The following PDCD2 variants were observed in gnomAD, a reference collection of about 807,000 sequenced individuals.
The protein encoded by PDCD2 is uS5 assembly chaperone PDCD2.
Under a neutral mutation model 38.1 loss-of-function variants are expected in PDCD2, and 38 were observed. The ratio of observed to expected loss-of-function variants is 1.00; its 90% CI spans 0.77 to 1.31. The LOEUF (loss-of-function observed/expected upper bound fraction) is 1.31. Among genes scored for constraint, PDCD2 ranks in the 50% most tolerant of loss-of-function variants. The pLI is 0.00. For synonymous variants in PDCD2, 205 were observed against 168.9 expected (o/e 1.21, Z -1.66); for missense variants, 473 against 435.7 (o/e 1.09, Z -0.76).
intron 2 of PDCD2, 35 bp downstream of exon 2, chr6:170,583,470 A>C: frequency 6.3e-7 from 1 of 1,586,206 alleles, no homozygotes; most frequent in South Asian, 1.1e-5. Flanking sequence ...AAAGGCGATG[A>C]AACTGAACTG....
At position 170,584,601 on chromosome 6, in the gene PDCD2, G is replaced by A. The variant is rs771116468; in HGVS notation, c.-20C>T. ...AGCCATGCGGGGCGCGGGCTGGCGT[G>A]GGGCGCAGCCCACAGCTGGGTCGGA... On this transcript the variant is annotated 5_prime_UTR_variant, in exon 1 of 6. Coordinates refer to ENST00000541970, the MANE Select transcript of PDCD2 (RefSeq NM_002598.4). 1.6e-6 allele frequency: 2 copies of A among 1,239,508 alleles called. No homozygotes were observed. Among genetic ancestry groups the A allele is most frequent in the Non-Finnish European group, 2.0e-6 (2 of 985,250 alleles). 76.8% of individuals were successfully genotyped at this position (1,239,508 alleles called of 1,614,324 possible). A position where few individuals can be genotyped will look rare whatever the true frequency, so the allele number is the denominator to read the frequency against.
chr6:170,577,758 G>A (rs1779483753), intron 5 of PDCD2, 41 bp from the exon 6 acceptor site: 1 of 1,601,936 alleles, frequency 6.2e-7, no homozygotes, highest in Non-Finnish European at 8.5e-7. Flanking sequence ...CTGCTTCACA[G>A]CAGGGAGCAC....
chr6:170,584,089 A>T (rs1779723734), intron 1 of PDCD2: 2 of 506,586 alleles, frequency 3.9e-6, no homozygotes, highest in Non-Finnish European at 6.6e-6. Flanking sequence ...GGGGTTACCA[A>T]TGCGCGTGGG....
Position 170,584,596 on chromosome 6 carries a change from G to T in PDCD2, c.-15C>A. ...GCGGCAGCCATGCGGGGCGCGGGCT[G>T]GCGTGGGGCGCAGCCCACAGCTGGG... On this transcript the variant is annotated 5_prime_UTR_variant, in exon 1 of 6. Coordinates refer to ENST00000541970, the MANE Select transcript of PDCD2 (RefSeq NM_002598.4). 8.0e-7 allele frequency: 1 copy of T among 1,250,302 alleles called. No homozygotes were observed. The highest frequency in any genetic ancestry group is 1.0e-6 in the Non-Finnish European group (1 of 994,800). 77.5% of individuals were successfully genotyped at this position (1,250,302 alleles called of 1,614,324 possible). A position where few individuals can be genotyped will look rare whatever the true frequency, so the allele number is the denominator to read the frequency against.
rs750701272 is a variant in PDCD2, at chr6:170,583,526, T to C, written c.505A>G (p.Lys169Glu). Reference protein sequence around the residue: ...HQTLDWRLGHKQACAQPDHLD... With the variant: ...HQTLDWRLGHEQACAQPDHLD... ...CCACCTGGTTGTGCACAAGCCTGCTTATGTCCCAATCTCCAGTCTAGGGTC... is the reference window on the plus strand; with the variant it reads ...CCACCTGGTTGTGCACAAGCCTGCTCATGTCCCAATCTCCAGTCTAGGGTC... Residue 169 changes from lysine (K) to glutamate (E), a missense_variant, in exon 2 of 6, where the codon AAG becomes GAG. Physicochemically the swap from Lys to Glu is moderately conservative, Grantham distance 56. Coordinates refer to ENST00000541970, the MANE Select transcript of PDCD2 (RefSeq NM_002598.4). 2 of 1,612,380 alleles carry C rather than the reference T, an allele frequency of 1.2e-6. No individual in the cohort carries two copies. Among genetic ancestry groups the C allele is most frequent in the Admixed American group, 3.3e-5 (2 of 59,968 alleles).
At position 170,584,316 on chromosome 6, in the gene PDCD2, C is replaced by T; in HGVS notation, c.266G>A (p.Cys89Tyr). ...IFLFCCREQP[C>Y]CAGLRVFRNQ... ...CGGCTCACCTCGCAGGCCGGCACAG[C>T]ACGGCTGCTCGCGGCAGCAGAAGAG... The change falls in exon 1 of 6, where the codon TGC (cysteine) becomes TAC (tyrosine). Residue 89 changes from cysteine (C) to tyrosine (Y), a missense_variant. Physicochemically the swap from Cys to Tyr is radical, Grantham distance 194. Coordinates refer to ENST00000541970, the MANE Select transcript of PDCD2 (RefSeq NM_002598.4). 6.7e-7 allele frequency: 1 copy of T among 1,492,634 alleles called. No homozygotes were observed. Among genetic ancestry groups the T allele is most frequent in the South Asian group, 1.3e-5 (1 of 77,934 alleles). The allele number at this position is 1,492,634 out of a possible 1,614,324, so 92.5% of individuals were successfully genotyped here. A position where few individuals can be genotyped will look rare whatever the true frequency, so the allele number is the denominator to read the frequency against.
chr6:170,577,489 G>A lies in PDCD2; in HGVS notation c.*70C>T. The A allele has an allele frequency of 2.3e-6, 3 of 1,325,892 alleles. No individual in the cohort carries two copies. Among genetic ancestry groups the A allele is most frequent in the South Asian group, 1.3e-5 (1 of 78,344 alleles). 82.1% of individuals were successfully genotyped at this position (1,325,892 alleles called of 1,614,324 possible). On this transcript the variant is annotated 3_prime_UTR_variant, in exon 6 of 6. Transcript: ENST00000541970. ...ATTTTTGGTATAAGTATTTCCTTAG[G>A]ATAAAATCCCAGAAATGGAATTGCA... is the stretch of plus-strand genomic sequence containing the variant.
chr6:170,578,289 GAAAC>G (rs887786159), intron 5 of PDCD2, among the ~76,000 whole-genome samples: 3 of 152,170 alleles, frequency 2.0e-5, no homozygotes, highest in African/African-American at 7.2e-5. Flanking sequence ...TTTACCCAAA[GAAAC>G]AAACCAATAT....
chr6:170,583,276 A>G (rs1779672545), intron 2 of PDCD2, 88 bp from the exon 3 acceptor site: 2 of 1,017,792 alleles, frequency 2.0e-6, no homozygotes, highest in East Asian at 2.4e-5. Flanking sequence ...TATATTCCCT[A>G]TAGTTCTGGC....
intron 1 of PDCD2, 52 bp from the exon 2 acceptor site, chr6:170,583,799 C>T (rs1487728032): frequency 1.4e-6 from 2 of 1,383,784 alleles, no homozygotes; most frequent in Non-Finnish European, 1.0e-6. Flanking sequence ...CAGCAATTCA[C>T]ATATTTTATC....
rs61504332 is a variant in PDCD2 at position 170,583,468 on chromosome 6, T to A, written c.526+37A>T. ...GAAATATCTGGGTTGACAAAGGCGATGAAACTGAACTGAGACTTAAAAAAA... is the reference window on the plus strand; with the variant it reads ...GAAATATCTGGGTTGACAAAGGCGAAGAAACTGAACTGAGACTTAAAAAAA... On this transcript the variant is annotated intron_variant, in intron 2 of 5. Transcript: ENST00000541970. The A allele has an allele frequency of 1.6e-3, 2,535 of 1,580,766 alleles. 34 individuals carry two copies. The African/African-American group carries it at 0.031, about 20-fold the overall frequency.
At chr6:170,582,305 A>G (rs1334870544) in intron 3 of PDCD2, 7 of 1,531,814 alleles carry the variant, frequency 4.6e-6, no homozygotes, top group Middle Eastern at 1.7e-4. Context: ...GTAAGACTCA[A>G]AACATGTTTT....
chr6:170,582,225 G>A lies in PDCD2; in HGVS notation c.658+832C>T, dbSNP rs1256850249. On this transcript the variant is annotated intron_variant, in intron 3 of 5. Transcript: ENST00000541970. ...ATTATTTGGGCTCCTCCATAAGACTGTGAGCATCTGACCACTGGAGTGTTG... is the reference window on the plus strand; with the variant it reads ...ATTATTTGGGCTCCTCCATAAGACTATGAGCATCTGACCACTGGAGTGTTG... 12 of 1,440,912 alleles carry A rather than the reference G, an allele frequency of 8.3e-6. No individual in the cohort carries two copies. The South Asian group carries it at 1.3e-4, about 16-fold the overall frequency. 89.3% of individuals were successfully genotyped at this position (1,440,912 alleles called of 1,614,324 possible).
Position 170,584,553 on chromosome 6 carries a change from T to G in PDCD2, c.29A>C (p.Glu10Ala). The change falls in exon 1 of 6, where the codon GAG becomes GCG. Residue 10 changes from glutamate (E) to alanine (A), a missense_variant. By Grantham distance (107) the Glu-to-Ala change is moderately radical. Transcript: ENST00000541970. ...CGGCGCCGACTCGGCGAAGCCCAGCTCCACAGGCCTGGCCCCGGCGGCAGC... is the reference window on the plus strand; with the variant it reads ...CGGCGCCGACTCGGCGAAGCCCAGCGCCACAGGCCTGGCCCCGGCGGCAGC... MAAAGARPV[E>A]LGFAESAPAW... The G allele has an allele frequency of 7.4e-7, 1 of 1,343,092 alleles. No individual in the cohort carries two copies. Among genetic ancestry groups the G allele is most frequent in the South Asian group, 1.9e-5 (1 of 52,814 alleles). The allele number at this position is 1,343,092 out of a possible 1,614,324, so 83.2% of individuals were successfully genotyped here.
At chr6:170,582,642 A>T (rs1246708539) in intron 3 of PDCD2, 19 of 1,229,154 alleles carry the variant, frequency 1.5e-5, no homozygotes, top group Non-Finnish European at 1.8e-5. Context: ...ACCCAAGAGT[A>T]TGCACTGTAA....
rs375668108 is a variant in PDCD2, at chr6:170,583,677, T to C, written c.354A>G (p.Pro118=). 1.2e-5 allele frequency: 20 copies of C among 1,613,912 alleles called. No individual in the cohort carries two copies. Among genetic ancestry groups the C allele is most frequent in the African/African-American group, 2.7e-5 (2 of 74,900 alleles). ...GGAGACACACTGATTCTCCTGTTTCTGGGGGAGGATTCTCAGAAGGTGGCT... is the reference window on the plus strand; with the variant it reads ...GGAGACACACTGATTCTCCTGTTTCCGGGGGAGGATTCTCAGAAGGTGGCT... The part of the protein sequence containing the change: ...SYEPPSENPP[P]ETGESVCLQL... Residue 118 remains proline, a synonymous_variant, in exon 2 of 6, where the codon CCA becomes CCG. Transcript: ENST00000541970.
intron 3 of PDCD2, chr6:170,582,226 T>G: frequency 6.9e-7 from 1 of 1,443,480 alleles, no homozygotes; most frequent in Non-Finnish European, 9.4e-7. Context: ...CATAAGACTG[T>G]GAGCATCTGA....
In PDCD2 at chr6:170,582,516, T is replaced by C. The variant is rs1472853562; in HGVS notation, c.658+541A>G. On this transcript the variant is annotated intron_variant, in intron 3 of 5. Coordinates refer to ENST00000541970, the MANE Select transcript of PDCD2 (RefSeq NM_002598.4). ...GGCAGTTTCTCACTCATTGGTCTGC[T>C]GTCACGATTTTAATGAGCTCATGCA... 2.9e-6 allele frequency: 4 copies of C among 1,356,384 alleles called. No individual in the cohort carries two copies. The African/African-American group carries it at 4.4e-5, about 15-fold the overall frequency. The allele number at this position is 1,356,384 out of a possible 1,614,324, so 84.0% of individuals were successfully genotyped here.
At chr6:170,582,644 G>A (rs1208582583) in intron 3 of PDCD2, 3 of 1,227,424 alleles carry the variant, frequency 2.4e-6, no homozygotes, top group East Asian at 9.4e-5. Context: ...CCAAGAGTAT[G>A]CACTGTAAGT....
Sources: allele counts gnomAD v4.1 joint callset (sites outside exome capture counted in the v4.1 genomes callset), GRCh38; gene constraint gnomAD v4.1.1; transcripts MANE v1.5; gene names NCBI Gene and HGNC (gene_info 2026-07-23, HGNC 2026-07-21).